The following APBB1IP variants were observed in gnomAD, a reference collection of about 807,000 sequenced individuals.
APBB1IP encodes amyloid beta precursor protein binding family B member 1 interacting protein.
APBB1IP carries 27 observed loss-of-function variants against 64.9 expected under a neutral mutation model. The observed-to-expected ratio is 0.42, with a 90% CI of 0.31 to 0.57. The LOEUF (loss-of-function observed/expected upper bound fraction) is 0.57, where lower values mean the gene tolerates loss of function less well. Ranked by LOEUF, APBB1IP falls within the 20% of genes least tolerant of loss-of-function variation. The probability of loss-of-function intolerance (pLI) is 0.20; values close to 1 mark genes in which losing one functional copy is unlikely to be tolerated. For synonymous variants in APBB1IP, 392 were observed against 331.0 expected, an observed-to-expected ratio of 1.18 and a Z score of -2.00; for missense variants, 812 against 845.5, an observed-to-expected ratio of 0.96 and a Z score of 0.49.
At chr10:26,566,066 A>G (rs1837038980) in intron 14 of APBB1IP, among the ~76,000 whole-genome samples, 2 of 152,264 alleles carry the variant, frequency 1.3e-5, no homozygotes, top group Admixed American at 6.5e-5. Flanking sequence ...GGCCACTTTA[A>G]ACAAAAATGA....
At chr10:26,548,516 C>T (rs985812447) in intron 11 of APBB1IP, among the ~76,000 whole-genome samples, 8 of 152,050 alleles carry the variant, frequency 5.3e-5, no homozygotes, top group Non-Finnish European at 1.0e-4. Context: ...ATCCTCTTCA[C>T]CTTCTTTTAT....
chr10:26,532,020 C>T (rs1836561124), intron 8 of APBB1IP, among the ~76,000 whole-genome samples: 1 of 152,166 alleles, frequency 6.6e-6, no homozygotes, highest in Non-Finnish European at 1.5e-5. Flanking sequence ...TATTGGAATG[C>T]AGATTTCCAG....
intron 2 of APBB1IP, among the ~76,000 whole-genome samples, chr10:26,455,052 G>A (rs1036656175): frequency 2.0e-5 from 3 of 152,232 alleles, no homozygotes; most frequent in Admixed American, 6.5e-5. Flanking sequence ...CTCTGCTGCA[G>A]GACTCTATTC....
intron 13 of APBB1IP, among the ~76,000 whole-genome samples, chr10:26,561,547 T>C (rs1836973234): frequency 6.6e-6 from 1 of 152,130 alleles, no homozygotes; most frequent in African/African-American, 2.4e-5. Context: ...AGTAGGTAGA[T>C]GTTTCTTATC....
intron 11 of APBB1IP, among the ~76,000 whole-genome samples, chr10:26,542,548 T>C (rs1330812863): frequency 6.6e-6 from 1 of 152,222 alleles, no homozygotes; most frequent in Admixed American, 6.5e-5. Flanking sequence ...GGTCTTTCTG[T>C]ATGCCTGCAG....
At chr10:26,541,023 C>T (rs191169240) in intron 10 of APBB1IP, among the ~76,000 whole-genome samples, 2 of 151,896 alleles carry the variant, frequency 1.3e-5, no homozygotes, top group Admixed American at 1.3e-4. Flanking sequence ...AAGCGGTCAC[C>T]TTGTCTCGAC....
At chr10:26,452,587 C>T (rs10047347) in intron 2 of APBB1IP, among the ~76,000 whole-genome samples, 60,446 of 151,710 alleles carry the variant, frequency 0.4, 12,130 homozygotes, top group South Asian at 0.5. Context: ...ATGTCACTAT[C>T]TCATAGAATT....
intron 2 of APBB1IP, among the ~76,000 whole-genome samples, chr10:26,461,452 G>T (rs143469614): frequency 6.6e-6 from 1 of 151,442 alleles, no homozygotes; most frequent in Non-Finnish European, 1.5e-5. Flanking sequence ...GTCTTTTTCC[G>T]TTGGTTTATT....
intron 6 of APBB1IP, chr10:26,509,750 T>G (rs1836228828): frequency 6.6e-6 from 1 of 152,184 alleles, no homozygotes; most frequent in Admixed American, 6.5e-5. Flanking sequence ...GTTACCAAAT[T>G]TATGGTTTCT....
chr10:26,489,094 T>G (rs1346849452), intron 2 of APBB1IP, among the ~76,000 whole-genome samples: 1 of 152,204 alleles, frequency 6.6e-6, no homozygotes, highest in Non-Finnish European at 1.5e-5. Flanking sequence ...CCTCCTACAC[T>G]GGACGCCAGA....
intron 2 of APBB1IP, among the ~76,000 whole-genome samples, chr10:26,481,631 C>T (rs562366535): frequency 2.6e-5 from 4 of 151,888 alleles, no homozygotes; most frequent in South Asian, 2.1e-4. Context: ...ACCACAGGTG[C>T]GCACCACTAT....
chr10:26,524,472 T>G (rs1175710485), intron 8 of APBB1IP, among the ~76,000 whole-genome samples: 1 of 152,204 alleles, frequency 6.6e-6, no homozygotes, highest in African/African-American at 2.4e-5. Flanking sequence ...TACGAGTGAT[T>G]GAGCTCAAAT....
intron 11 of APBB1IP, among the ~76,000 whole-genome samples, chr10:26,545,689 G>C (rs1004345963): frequency 3.3e-5 from 5 of 151,972 alleles, no homozygotes; most frequent in African/African-American, 1.2e-4. Flanking sequence ...GAACCCGGGA[G>C]GCGGAGCTTG....
At chr10:26,450,973 G>A (rs1284153082) in intron 2 of APBB1IP, among the ~76,000 whole-genome samples, 1 of 152,120 alleles carries the variant, frequency 6.6e-6, no homozygotes, top group African/African-American at 2.4e-5. Flanking sequence ...TGGGATTATA[G>A]GCGTGAGCCA....
At chr10:26,480,468 G>C (rs1330521652) in intron 2 of APBB1IP, among the ~76,000 whole-genome samples, 2 of 152,100 alleles carry the variant, frequency 1.3e-5, no homozygotes, top group Non-Finnish European at 2.9e-5. Context: ...GGAAAGCCAA[G>C]TGAAGAAAAT....
intron 2 of APBB1IP, among the ~76,000 whole-genome samples, chr10:26,484,694 T>C (rs1021573752): frequency 6.6e-6 from 1 of 152,224 alleles, no homozygotes; most frequent in Non-Finnish European, 1.5e-5. Flanking sequence ...TATTATTACA[T>C]ATTTCACTTA....
intron 13 of APBB1IP, among the ~76,000 whole-genome samples, chr10:26,561,529 A>G (rs1836973051): frequency 6.6e-6 from 1 of 150,870 alleles, no homozygotes; most frequent in Non-Finnish European, 1.5e-5. Flanking sequence ...TCCTGTTTAC[A>G]GTGAGCTAGT....
chr10:26,468,770 G>A (rs1041601200), intron 2 of APBB1IP, among the ~76,000 whole-genome samples: 2 of 152,216 alleles, frequency 1.3e-5, no homozygotes, highest in African/African-American at 4.8e-5. Context: ...TTTCTGGCTT[G>A]TTCCTGCTCC....
chr10:26,512,055 C>A, intron 7 of APBB1IP, 149 bp downstream of exon 7: 3 of 1,027,932 alleles, frequency 2.9e-6, no homozygotes, highest in Non-Finnish European at 4.1e-6. Context: ...ATCTCAAAAT[C>A]CTGTGCTCAA....
Sources: gnomAD v4.1 joint callset for allele counts (sites outside exome capture counted in the v4.1 genomes callset) on GRCh38, gnomAD v4.1.1 for gene constraint, MANE v1.5 for transcripts, NCBI Gene and HGNC (gene_info 2026-07-23, HGNC 2026-07-21) for gene names.